Variants in ARFGAP1 observed in about 807,000 individuals in gnomAD.
ARFGAP1 encodes ARF GTPase activating protein 1.
ARFGAP1 carries 26 observed loss-of-function variants against 54.0 expected under a neutral mutation model. The ratio of observed to expected loss-of-function variants is 0.48; its 90% confidence interval spans 0.35 to 0.67. The LOEUF (loss-of-function observed/expected upper bound fraction) is 0.67, where lower values mean the gene tolerates loss of function less well. Among genes scored for constraint, ARFGAP1 ranks in the 30% least tolerant of loss-of-function variants. ARFGAP1 has a pLI of 0.00. For missense variants in ARFGAP1, 525 were observed against 535.8 expected, an observed-to-expected ratio of 0.98 and a Z score of 0.20; for synonymous variants, 248 against 211.9, an observed-to-expected ratio of 1.17 and a Z score of -1.48.
chr20:63,283,108 A>G, intron 9 of ARFGAP1: 1 of 557,798 alleles, frequency 1.8e-6, no homozygotes, highest in South Asian at 2.2e-5. Context: ...GTGTGTGGCC[A>G]CTGCAGCCGG....
At chr20:63,284,269 T>A (rs1262548701) in intron 9 of ARFGAP1, 35 of 1,128,744 alleles carry the variant, frequency 3.1e-5, no homozygotes, top group Admixed American at 1.4e-4. Flanking sequence ...AAGGGGAGGA[T>A]CTTTGCTCTG....
chr20:63,278,805 G>T, intron 6 of ARFGAP1, 94 bp from the exon 7 acceptor site: 1 of 1,231,370 alleles, frequency 8.1e-7, no homozygotes. Flanking sequence ...ACGTCCCCCA[G>T]AGCCCCAGCC....
intron 11 of ARFGAP1, 176 bp downstream of exon 11, chr20:63,285,889 A>G (rs6090342): frequency 1 from 1,411,964 of 1,419,050 alleles, 702,694 homozygotes; most frequent in East Asian, 1. Context: ...TATGGAAACA[A>G]CTTGGCCCAC....
chr20:63,278,122 C>G lies in ARFGAP1; in HGVS notation c.449C>G (p.Ser150Cys), dbSNP rs2067279719. Reference sequence around the variant, plus strand: ...CCTTCGATTCTCGGTTTCAGAGTCTCTGGCCAGCCGCAGAGTGTGACCGCC... The same window carrying G: ...CCTTCGATTCTCGGTTTCAGAGTCTGTGGCCAGCCGCAGAGTGTGACCGCC... Reference protein sequence around the residue: ...RTLPSMVHRVSGQPQSVTASS... With the variant: ...RTLPSMVHRVCGQPQSVTASS... The change falls in exon 6 of 13, where the codon TCT becomes TGT. Residue 150 changes from serine to cysteine, a missense_variant. Coordinates refer to ENST00000370283, the MANE Select transcript of ARFGAP1 (RefSeq NM_018209.4). 6.2e-7 allele frequency: 1 copy of G among 1,613,686 alleles called. No homozygotes were observed. Among genetic ancestry groups the G allele is most frequent in the African/African-American group, 1.3e-5 (1 of 75,068 alleles).
chr20:63,273,046 G>A (rs959400327), intron 1 of ARFGAP1, 126 bp downstream of exon 1: 1 of 152,070 alleles, frequency 6.6e-6, no homozygotes, highest in Non-Finnish European at 1.5e-5. Flanking sequence ...CCACCCTGAG[G>A]CTGCTGCCCC....
intron 10 of ARFGAP1, chr20:63,285,378 A>C: frequency 3.7e-6 from 2 of 543,694 alleles, no homozygotes; most frequent in Non-Finnish European, 6.6e-6. Flanking sequence ...GGGAAGACCC[A>C]CCTGGGGCAG....
At chr20:63,284,678 A>AG in intron 9 of ARFGAP1, 188 bp from the exon 10 acceptor site, 1 of 1,433,882 alleles carries the variant, frequency 7.0e-7, no homozygotes, top group Non-Finnish European at 9.2e-7. Context: ...CGCCTTCTAG[A>AG]GGTGGCGGCC....
In ARFGAP1 at chr20:63,288,679, A is replaced by G. The variant is rs2067633212; in HGVS notation, c.*806A>G. 1 of 372,988 alleles carries G rather than the reference A, an allele frequency of 2.7e-6. No individual in the cohort carries two copies. The highest frequency in any genetic ancestry group is 5.4e-6 in the Non-Finnish European group (1 of 185,258). The allele number at this position is 372,988 out of a possible 1,614,324, so 23.1% of individuals were successfully genotyped here. A position where few individuals can be genotyped will look rare whatever the true frequency, so the allele number is the denominator to read the frequency against. On this transcript the variant is annotated 3_prime_UTR_variant, in exon 13 of 13. Coordinates refer to ENST00000370283, the MANE Select transcript of ARFGAP1 (RefSeq NM_018209.4). ...CCAGGCAGGAGGGGCCGGGTTCAGG[A>G]GCTGAGCAGGGGATGCCTGTGCGTG...
intron 9 of ARFGAP1, chr20:63,283,838 C>A (rs202177677): frequency 1.4e-5 from 23 of 1,613,686 alleles, no homozygotes; most frequent in Non-Finnish European, 1.9e-5. Flanking sequence ...TGTCTTCTTG[C>A]TGTCGGGTAA....
intron 1 of ARFGAP1, chr20:63,274,053 A>G (rs1361451328): frequency 6.6e-6 from 1 of 152,214 alleles, no homozygotes. Context: ...TGAATGAGTC[A>G]TGCTGGGGGT....
rs756408359 is a variant in ARFGAP1 at position 63,276,441 on chromosome 20, C to A, written c.171-39C>A. 1 of 1,585,738 alleles carries A rather than the reference C, an allele frequency of 6.3e-7. No homozygotes were observed. The highest frequency in any genetic ancestry group is 8.6e-7 in the Non-Finnish European group (1 of 1,163,922). ...TGGGTGGAGGGTGTCCCTGGGTGTC[C>A]CCGGTGCTGGTTGATCTGCTCGATC... On this transcript the variant is annotated intron_variant, in intron 3 of 12. Coordinates refer to ENST00000370283, the MANE Select transcript of ARFGAP1 (RefSeq NM_018209.4). This position sits in a 1 kb window ranked among gnomAD's most constrained non-coding sequence, Gnocchi z 5.2.
rs562950878 is a variant in ARFGAP1, at chr20:63,286,113, C to A, written c.835-253C>A. On this transcript the variant is annotated intron_variant, in intron 11 of 12. Transcript: ENST00000370283. Reference sequence around the variant, plus strand: ...GAAGAGCAGGCCTCGCTCCTCCCCCCCAAGCATGTGGTGGGAGCTCTTGAG... The same window carrying A: ...GAAGAGCAGGCCTCGCTCCTCCCCCACAAGCATGTGGTGGGAGCTCTTGAG... 1.6e-4 allele frequency: 251 copies of A among 1,550,248 alleles called. 2 individuals are homozygous for A. Among genetic ancestry groups the A allele is most frequent in the Middle Eastern group, 6.7e-4 (4 of 5,992 alleles).
Position 63,287,795 on chromosome 20 carries a change from G to T in ARFGAP1, c.1143G>T (p.Gly381=), listed in dbSNP as rs771112901. The T allele has an allele frequency of 3.8e-6, 6 of 1,596,964 alleles. No individual in the cohort carries two copies. The highest frequency in any genetic ancestry group is 3.4e-6 in the Non-Finnish European group (4 of 1,172,696). Residue 381 remains glycine (G), a synonymous_variant, in exon 13 of 13, where the codon GGG becomes GGT. Transcript: ENST00000370283. ...STNRNSNSDG[G]EGGEGTKKAV... ...ACAGGAACAGCAACAGCGACGGCGGGGAGGGCGGGGAGGGCACCAAGAAGG... is the reference window on the plus strand; with the variant it reads ...ACAGGAACAGCAACAGCGACGGCGGTGAGGGCGGGGAGGGCACCAAGAAGG...
chr20:63,280,111 C>T (rs558482039), intron 7 of ARFGAP1, among the ~76,000 whole-genome samples: 1 of 152,058 alleles, frequency 6.6e-6, no homozygotes, highest in South Asian at 2.1e-4. Context: ...CATTGCACTC[C>T]GACCTGGGCG....
intron 9 of ARFGAP1, chr20:63,284,452 T>C: frequency 4.5e-6 from 5 of 1,103,122 alleles, no homozygotes; most frequent in Non-Finnish European, 5.6e-6. Context: ...CCAGCCTCCG[T>C]GCCCTCTTCC....
chr20:63,274,009 T>G (rs1006013573), intron 1 of ARFGAP1: 1 of 152,178 alleles, frequency 6.6e-6, no homozygotes, highest in Non-Finnish European at 1.5e-5. Flanking sequence ...GTCGGCTGTA[T>G]AGGTGGATGC....
In ARFGAP1 at chr20:63,287,724, A is replaced by C; in HGVS notation, c.1072A>C (p.Arg358=). 6.2e-7 allele frequency: 1 copy of C among 1,607,400 alleles called. No individual in the cohort carries two copies. The highest frequency in any genetic ancestry group is 8.5e-7 in the Non-Finnish European group (1 of 1,177,004). ...GACGTGCGCGGACACCTCCACCGAG[A>C]GGAGGAGCTCGGACAGCTGGGAGGT... ...SWTCADTSTE[R]RSSDSWEVWG... The change falls in exon 13 of 13, where the codon AGG becomes CGG. Residue 358 remains arginine (R), a synonymous_variant. Coordinates refer to ENST00000370283, the MANE Select transcript of ARFGAP1 (RefSeq NM_018209.4).
At chr20:63,283,408 C>T (rs2067437963) in intron 9 of ARFGAP1, 2 of 201,492 alleles carry the variant, frequency 9.9e-6, no homozygotes, top group Admixed American at 1.1e-4. Flanking sequence ...CAGAATCACA[C>T]CCAGGAGGCA....
At chr20:63,279,573 A>G (rs1032333036) in intron 7 of ARFGAP1, among the ~76,000 whole-genome samples, 2 of 152,158 alleles carry the variant, frequency 1.3e-5, no homozygotes, top group Non-Finnish European at 2.9e-5. Flanking sequence ...CAAGGAACCC[A>G]AGGACTCTGA....
Sources: gnomAD v4.1 joint callset for allele counts (sites outside exome capture counted in the v4.1 genomes callset) on GRCh38, gnomAD v4.1.1 for gene constraint, Gnocchi (gnomAD v3.1) non-coding constraint, MANE v1.5 for transcripts, NCBI Gene and HGNC (gene_info 2026-07-23, HGNC 2026-07-21) for gene names.